The following STXBP5L variants were observed in gnomAD, a reference collection of about 807,000 sequenced individuals.
STXBP5L encodes the protein syntaxin binding protein 5L.
STXBP5L carries 65 observed loss-of-function variants against 144.5 expected under a neutral mutation model. The ratio of observed to expected loss-of-function variants is 0.45; its 90% CI spans 0.37 to 0.55. The LOEUF (loss-of-function observed/expected upper bound fraction) is 0.55, where lower values mean the gene tolerates loss of function less well. Ranked by LOEUF, STXBP5L falls within the 20% of genes least tolerant of loss-of-function variation. The probability of loss-of-function intolerance (pLI) is 0.00; values close to 1 mark genes in which losing one functional copy is unlikely to be tolerated. For missense variants in STXBP5L, 1,298 were observed against 1,405.5 expected, an observed-to-expected ratio of 0.92 and a Z score of 1.22; for synonymous variants, 505 against 469.6, an observed-to-expected ratio of 1.08 and a Z score of -0.97.
intron 22 of STXBP5L, among the ~76,000 whole-genome samples, chr3:121,387,398 C>A (rs762843919): frequency 2.3e-4 from 35 of 152,142 alleles, no homozygotes; most frequent in African/African-American, 7.7e-4. Flanking sequence ...GACAGAAGGT[C>A]TTTAGTTTAA....
chr3:121,076,746 C>T (rs142453445), intron 5 of STXBP5L, among the ~76,000 whole-genome samples: 1 of 152,254 alleles, frequency 6.6e-6, no homozygotes, highest in East Asian at 1.9e-4. Flanking sequence ...TCATAATCAC[C>T]ATTAAAACCT....
chr3:121,086,178 C>G (rs967891743), intron 5 of STXBP5L, among the ~76,000 whole-genome samples: 1 of 152,062 alleles, frequency 6.6e-6, no homozygotes, highest in African/African-American at 2.4e-5. Flanking sequence ...GGATTAAAGA[C>G]TTTTTTCTTT....
intron 5 of STXBP5L, among the ~76,000 whole-genome samples, chr3:121,076,504 G>A (rs2042024833): frequency 6.6e-6 from 1 of 152,120 alleles, no homozygotes; most frequent in Non-Finnish European, 1.5e-5. Flanking sequence ...AGGTCTTAAA[G>A]TAGGCTGCAG....
intron 7 of STXBP5L, among the ~76,000 whole-genome samples, chr3:121,123,877 T>A (rs964822016): frequency 3.3e-5 from 5 of 151,784 alleles, no homozygotes; most frequent in Non-Finnish European, 7.4e-5. Context: ...TATTTTAATA[T>A]ATGCAGTTTT....
chr3:120,993,542 C>T (rs1034901261), intron 3 of STXBP5L, among the ~76,000 whole-genome samples: 1 of 151,970 alleles, frequency 6.6e-6, no homozygotes, highest in African/African-American at 2.4e-5. Context: ...TCCAGTTTTC[C>T]CAACCCTGTT....
chr3:121,162,774 C>A (rs2046368501), intron 9 of STXBP5L, among the ~76,000 whole-genome samples: 2 of 152,154 alleles, frequency 1.3e-5, no homozygotes, highest in Admixed American at 1.3e-4. Flanking sequence ...TATGAACAGA[C>A]ACTTCTCAAA....
chr3:121,361,046 A>T (rs1219401840), intron 20 of STXBP5L, among the ~76,000 whole-genome samples: 2 of 152,162 alleles, frequency 1.3e-5, no homozygotes, highest in African/African-American at 2.4e-5. Flanking sequence ...TGTTTCAAGG[A>T]TATTTTCACC....
At chr3:121,142,689 A>G (rs1394460589) in intron 7 of STXBP5L, among the ~76,000 whole-genome samples, 1 of 151,972 alleles carries the variant, frequency 6.6e-6, no homozygotes, top group African/African-American at 2.4e-5. Flanking sequence ...GAAATTAGAA[A>G]ATATCTTGAG....
At chr3:121,101,561 G>A (rs1037327369) in intron 5 of STXBP5L, among the ~76,000 whole-genome samples, 1 of 151,896 alleles carries the variant, frequency 6.6e-6, no homozygotes, top group African/African-American at 2.4e-5. Context: ...CAACAAACTA[G>A]GCAACGAAGG....
At chr3:121,217,409 C>T (rs1166861562) in intron 10 of STXBP5L, among the ~76,000 whole-genome samples, 1 of 152,188 alleles carries the variant, frequency 6.6e-6, no homozygotes, top group African/African-American at 2.4e-5. Context: ...AGCACAGTCC[C>T]TCATGGCTTC....
At chr3:121,189,872 C>T (rs1455897681) in intron 9 of STXBP5L, among the ~76,000 whole-genome samples, 1 of 152,040 alleles carries the variant, frequency 6.6e-6, no homozygotes, top group Non-Finnish European at 1.5e-5. Flanking sequence ...TATGTATTCA[C>T]TAACAGTTAT....
intron 3 of STXBP5L, among the ~76,000 whole-genome samples, chr3:121,013,772 A>G (rs971930235): frequency 2.6e-5 from 4 of 151,896 alleles, no homozygotes; most frequent in African/African-American, 9.7e-5. Context: ...GTGTAGTTTG[A>G]GATGTTACAT....
At position 121,249,875 on chromosome 3, in the gene STXBP5L, A is replaced by T. The variant is rs567232194; in HGVS notation, c.1401-848A>T. On this transcript the variant is annotated intron_variant, in intron 14 of 26. Transcript: ENST00000471454. ...GGTTATAGAAATTTCCTGTGTTCCT[A>T]GTTTATTGAAAGTTTTTTTTAGGAA... Among the ~76,000 whole-genome samples, 3 of 152,080 alleles carry T rather than the reference A, an allele frequency of 2.0e-5. No homozygotes were observed. In the South Asian group the frequency reaches 6.2e-4, roughly 32 times the overall value.
chr3:121,181,882 A>G (rs1012074589), intron 9 of STXBP5L, among the ~76,000 whole-genome samples: 1 of 152,208 alleles, frequency 6.6e-6, no homozygotes, highest in African/African-American at 2.4e-5. Flanking sequence ...GCAAATGTAA[A>G]CCAAAAGCAA....
intron 3 of STXBP5L, among the ~76,000 whole-genome samples, chr3:120,965,563 C>T (rs908097735): frequency 2.0e-5 from 3 of 152,078 alleles, no homozygotes; most frequent in African/African-American, 4.8e-5. Context: ...ATGATATTCT[C>T]CATTGAAAAT....
intron 9 of STXBP5L, among the ~76,000 whole-genome samples, chr3:121,169,163 C>T (rs1446836899): frequency 1.3e-5 from 2 of 152,204 alleles, no homozygotes; most frequent in Non-Finnish European, 2.9e-5. Flanking sequence ...CCCACCAGGC[C>T]TGCCTTACAA....
At chr3:121,173,571 C>CTACTG (rs949177451) in intron 9 of STXBP5L, among the ~76,000 whole-genome samples, 1 of 151,862 alleles carries the variant, frequency 6.6e-6, no homozygotes, top group Admixed American at 6.6e-5. Flanking sequence ...AACTAATAGC[C>CTACTG]TACTGTTGAC....
At chr3:121,348,771 G>A (rs1157262323) in intron 20 of STXBP5L, among the ~76,000 whole-genome samples, 1 of 151,992 alleles carries the variant, frequency 6.6e-6, no homozygotes, top group Non-Finnish European at 1.5e-5. Context: ...TTCTCTGATG[G>A]TAGTTTGTAC....
At chr3:121,394,637 C>T (rs1490988856) in intron 22 of STXBP5L, among the ~76,000 whole-genome samples, 1 of 126,990 alleles carries the variant, frequency 7.9e-6, no homozygotes, top group Non-Finnish European at 1.6e-5. Context: ...CAGTGTCTCA[C>T]TCTGTCGCCC....
Sources: gnomAD v4.1 joint callset for allele counts (sites outside exome capture counted in the v4.1 genomes callset) on GRCh38, gnomAD v4.1.1 for gene constraint, MANE v1.5 for transcripts, NCBI Gene and HGNC (gene_info 2026-07-23, HGNC 2026-07-21) for gene names.